Variants in MEMO1 observed in about 807,000 individuals in gnomAD.
MEMO1 encodes protein MEMO1.
MEMO1 carries 6 observed loss-of-function variants against 45.2 expected under a neutral mutation model. That is an observed-to-expected ratio of 0.13 (90% CI 0.07 to 0.26). The LOEUF is 0.26. Among genes scored for constraint, MEMO1 ranks in the 10% least tolerant of loss-of-function variants. The pLI is 1.00. For missense variants in MEMO1, 184 were observed against 370.5 expected (o/e 0.50, Z 4.13); for synonymous variants, 78 against 124.3 (o/e 0.63, Z 2.48).
intron 2 of MEMO1, among the ~76,000 whole-genome samples, chr2:31,990,442 T>C (rs1671801691): frequency 6.6e-6 from 1 of 152,066 alleles, no homozygotes; most frequent in Non-Finnish European, 1.5e-5. Flanking sequence ...TTTTGGTGTC[T>C]GGGGTGTTTT....
intron 3 of MEMO1, among the ~76,000 whole-genome samples, chr2:31,937,015 T>A (rs527334651): frequency 6.6e-6 from 1 of 152,302 alleles, no homozygotes; most frequent in South Asian, 2.1e-4. Context: ...GAAACTAAAT[T>A]AGAAAACTCC....
At chr2:31,891,086 G>A (rs546543929) in intron 7 of MEMO1, among the ~76,000 whole-genome samples, 20 of 152,232 alleles carry the variant, frequency 1.3e-4, no homozygotes, top group African/African-American at 4.6e-4. Flanking sequence ...CACATAAAAT[G>A]CCATGGCTCC....
intron 2 of MEMO1, chr2:31,963,071 G>A: frequency 5.9e-6 from 8 of 1,350,234 alleles, no homozygotes; most frequent in Non-Finnish European, 7.8e-6. Context: ...CTGAAATACT[G>A]GCTCTTCCTA....
intron 8 of MEMO1, among the ~76,000 whole-genome samples, chr2:31,872,026 C>CACACACACAT (rs1387506597): frequency 1.3e-5 from 2 of 151,128 alleles, no homozygotes; most frequent in Non-Finnish European, 3.0e-5. Context: ...AACACACACA[C>CACACACACAT]ACACACACAC....
intron 1 of MEMO1, chr2:32,010,677 C>T (rs993835476): frequency 6.7e-6 from 1 of 148,682 alleles, no homozygotes; most frequent in Admixed American, 6.7e-5. Flanking sequence ...CCCGCCCCCG[C>T]CCCCCACCCC....
chr2:31,999,667 C>CT (rs1463381275), intron 2 of MEMO1, among the ~76,000 whole-genome samples: 1 of 152,106 alleles, frequency 6.6e-6, no homozygotes, highest in Non-Finnish European at 1.5e-5. Context: ...AAGACCCTGT[C>CT]TCAAAAAGTC....
At chr2:31,906,902 T>C (rs998886756) in intron 6 of MEMO1, among the ~76,000 whole-genome samples, 7 of 152,180 alleles carry the variant, frequency 4.6e-5, no homozygotes, top group Admixed American at 3.3e-4. Context: ...GTAGGACCAA[T>C]ATCTAGCTAT....
At chr2:31,914,723 G>A (rs55860812) in intron 6 of MEMO1, among the ~76,000 whole-genome samples, 6,413 of 152,156 alleles carry the variant, frequency 0.042, 241 homozygotes, top group Admixed American at 0.12. Flanking sequence ...GGAGGCTGAA[G>A]TAAGAAGCTC....
chr2:31,992,325 G>C (rs768326236), intron 2 of MEMO1, among the ~76,000 whole-genome samples: 80 of 152,180 alleles, frequency 5.3e-4, no homozygotes, highest in Non-Finnish European at 1.1e-3. Flanking sequence ...GGGCAGAGTT[G>C]ACTAGCTGCA....
chr2:31,929,138 T>G (rs1236720374), intron 4 of MEMO1, among the ~76,000 whole-genome samples: 1 of 152,206 alleles, frequency 6.6e-6, no homozygotes, highest in Non-Finnish European at 1.5e-5. Context: ...TTCTTCAAAC[T>G]GTTCATTTAA....
At chr2:32,009,527 C>T (rs1256735722) in intron 2 of MEMO1, among the ~76,000 whole-genome samples, 2 of 152,198 alleles carry the variant, frequency 1.3e-5, no homozygotes, top group Non-Finnish European at 2.9e-5. Context: ...CCCTGCAAGA[C>T]AGCGGAGCCC....
At chr2:31,959,663 A>G (rs1223190275) in intron 2 of MEMO1, among the ~76,000 whole-genome samples, 2 of 152,222 alleles carry the variant, frequency 1.3e-5, no homozygotes, top group African/African-American at 2.4e-5. Context: ...TACTCCAAAA[A>G]AAAATGAAGG....
chr2:31,978,506 C>T (rs897388470), intron 2 of MEMO1, among the ~76,000 whole-genome samples: 4 of 152,242 alleles, frequency 2.6e-5, no homozygotes, highest in African/African-American at 9.6e-5. Flanking sequence ...AGTGCAGTGG[C>T]ATGATCATCA....
chr2:32,009,551 G>A (rs1420838309), intron 2 of MEMO1, among the ~76,000 whole-genome samples: 2 of 152,208 alleles, frequency 1.3e-5, no homozygotes, highest in Non-Finnish European at 2.9e-5. Context: ...AAAGGTGCGG[G>A]GAAACGCTGC....
chr2:31,994,869 G>A (rs1438706255), intron 2 of MEMO1, among the ~76,000 whole-genome samples: 6 of 151,786 alleles, frequency 4.0e-5, no homozygotes, highest in Non-Finnish European at 7.4e-5. Flanking sequence ...GATCAATTGA[G>A]CCCTGGAGGT....
chr2:31,982,405 C>T (rs532825906), intron 2 of MEMO1, among the ~76,000 whole-genome samples: 2 of 150,756 alleles, frequency 1.3e-5, no homozygotes, highest in Admixed American at 6.6e-5. Context: ...GCCTGACCAA[C>T]GTGGTGAAAG....
chr2:31,932,923 G>C (rs1664357638), intron 3 of MEMO1, among the ~76,000 whole-genome samples: 1 of 151,846 alleles, frequency 6.6e-6, no homozygotes, highest in Non-Finnish European at 1.5e-5. Flanking sequence ...TTCATCCTCT[G>C]GTCTCCGAAT....
At chr2:31,961,289 CA>C (rs1667978936) in intron 2 of MEMO1, among the ~76,000 whole-genome samples, 1 of 151,662 alleles carries the variant, frequency 6.6e-6, no homozygotes, top group Non-Finnish European at 1.5e-5. Context: ...ACCTGGGAGG[CA>C]GAGGTTGTAG....
At chr2:31,883,882 G>A (rs1234830686) in intron 7 of MEMO1, among the ~76,000 whole-genome samples, 1 of 150,094 alleles carries the variant, frequency 6.7e-6, no homozygotes, top group Non-Finnish European at 1.5e-5. Context: ...GCTGTACAAA[G>A]TTTTGATCTC....
Sources: allele counts gnomAD v4.1 joint callset (sites outside exome capture counted in the v4.1 genomes callset), GRCh38; gene constraint gnomAD v4.1.1; transcripts MANE v1.5; gene names NCBI Gene and HGNC (gene_info 2026-07-23, HGNC 2026-07-21).